The following AKAP13 variants were observed in gnomAD, a reference collection of about 807,000 sequenced individuals.
AKAP13 encodes the protein A-kinase anchor protein 13.
In AKAP13, 80 loss-of-function variants were observed where a neutral mutation model predicts 264.5. That is an observed-to-expected ratio of 0.30 (90% CI 0.25 to 0.36). The LOEUF (loss-of-function observed/expected upper bound fraction) is 0.36. Among genes scored for constraint, AKAP13 ranks in the 10% least tolerant of loss-of-function variants. The pLI is 1.00. For synonymous variants in AKAP13, 1,380 were observed against 1,250.2 expected, an observed-to-expected ratio of 1.10 and a Z score of -2.19; for missense variants, 3,712 against 3,435.2, an observed-to-expected ratio of 1.08 and a Z score of -2.01.
At chr15:85,494,316 T>G (rs1596331962) in intron 2 of AKAP13, among the ~76,000 whole-genome samples, 1 of 152,136 alleles carries the variant, frequency 6.6e-6, no homozygotes, top group Non-Finnish European at 1.5e-5. Flanking sequence ...AGTTTTAGAC[T>G]TCTGATGAAG....
At chr15:85,667,124 A>G (rs543526720) in intron 13 of AKAP13, among the ~76,000 whole-genome samples, 70 of 152,288 alleles carry the variant, frequency 4.6e-4, no homozygotes, top group Middle Eastern at 6.8e-3. Flanking sequence ...AACATTGACA[A>G]CCTCTTCCTT....
At chr15:85,600,382 C>A (rs1475501929) in intron 8 of AKAP13, among the ~76,000 whole-genome samples, 18 of 149,182 alleles carry the variant, frequency 1.2e-4, no homozygotes, top group Admixed American at 1.2e-3. Context: ...TATCACATAA[C>A]CAACTAGTTT....
intron 16 of AKAP13, 39 bp downstream of exon 16, chr15:85,684,912 T>A (rs1348265822): frequency 5.0e-6 from 8 of 1,593,164 alleles, no homozygotes; most frequent in Non-Finnish European, 6.8e-6. Context: ...ATCACCTCAG[T>A]AGGATCCTGT....
chr15:85,562,691 CTTTTTTT>C (rs10598092), intron 5 of AKAP13, among the ~76,000 whole-genome samples: 10 of 100,520 alleles, frequency 9.9e-5, no homozygotes, highest in South Asian at 3.3e-4. Flanking sequence ...CTTTTCTTTT[CTTTTTTT>C]TTTTTTTTTT....
intron 29 of AKAP13, among the ~76,000 whole-genome samples, chr15:85,728,524 G>A (rs922518415): frequency 6.6e-6 from 1 of 152,222 alleles, no homozygotes; most frequent in African/African-American, 2.4e-5. Flanking sequence ...CCTTGCCCTT[G>A]AGAAGCTCAC....
intron 1 of AKAP13, among the ~76,000 whole-genome samples, chr15:85,453,263 G>A (rs919778218): frequency 2.0e-5 from 3 of 152,214 alleles, no homozygotes; most frequent in African/African-American, 7.2e-5. Flanking sequence ...TGCTGAGTTG[G>A]TGCTAGCTGA....
At chr15:85,489,221 T>C (rs1464979637) in intron 2 of AKAP13, among the ~76,000 whole-genome samples, 1 of 152,238 alleles carries the variant, frequency 6.6e-6, no homozygotes, top group Non-Finnish European at 1.5e-5. Flanking sequence ...CTTGTTAAGC[T>C]TTAAAAAGTT....
intron 14 of AKAP13, among the ~76,000 whole-genome samples, chr15:85,671,839 G>A (rs2083947312): frequency 6.6e-6 from 1 of 152,086 alleles, no homozygotes; most frequent in African/African-American, 2.4e-5. Flanking sequence ...GTGACATAGT[G>A]GATATTGTAC....
chr15:85,476,906 G>A (rs904685907), intron 1 of AKAP13, among the ~76,000 whole-genome samples: 1 of 152,078 alleles, frequency 6.6e-6, no homozygotes. Context: ...TCATGTGCTG[G>A]CCATGTGTGT....
At chr15:85,417,791 AAGC>A (rs1429924987) in intron 1 of AKAP13, among the ~76,000 whole-genome samples, 25 of 152,172 alleles carry the variant, frequency 1.6e-4, no homozygotes, top group Admixed American at 1.6e-3. Context: ...CTTATGTATT[AAGC>A]AGCTGATCAG....
chr15:85,496,887 G>T (rs187106753), intron 2 of AKAP13, among the ~76,000 whole-genome samples: 150 of 152,346 alleles, frequency 9.8e-4, no homozygotes, highest in African/African-American at 3.5e-3. Context: ...TGGTTTTACA[G>T]AGCAGGAATT....
At chr15:85,725,041 A>C (rs189732203) in intron 26 of AKAP13, among the ~76,000 whole-genome samples, 393 of 152,304 alleles carry the variant, frequency 2.6e-3, no homozygotes, top group Non-Finnish European at 4.5e-3. Flanking sequence ...TAAAGGCCTG[A>C]ATTTCCTAGA....
At chr15:85,672,666 A>C (rs2151573675) in intron 14 of AKAP13, among the ~76,000 whole-genome samples, 1 of 152,364 alleles carries the variant, frequency 6.6e-6, no homozygotes. Context: ...CACACTTAGT[A>C]GCTGTATTAC....
intron 4 of AKAP13, 87 bp from the exon 5 acceptor site, chr15:85,543,685 T>G: frequency 7.3e-7 from 1 of 1,366,282 alleles, no homozygotes; most frequent in Non-Finnish European, 9.9e-7. Context: ...TTGGAGGCAG[T>G]GGTGTTTACA....
chr15:85,524,791 CGTGTTTTGT>C (rs1567104926), intron 3 of AKAP13, among the ~76,000 whole-genome samples: 1 of 151,050 alleles, frequency 6.6e-6, no homozygotes, highest in Non-Finnish European at 1.5e-5. Context: ...CTTTTTTTTG[CGTGTTTTGT>C]AATAAGTCCT....
intron 1 of AKAP13, among the ~76,000 whole-genome samples, chr15:85,413,121 A>T (rs2150876104): frequency 6.6e-6 from 1 of 152,348 alleles, no homozygotes; most frequent in African/African-American, 2.4e-5. Flanking sequence ...CTGCTAATTG[A>T]TCCTTAGGGA....
At chr15:85,679,692 C>T (rs1156475444) in intron 14 of AKAP13, among the ~76,000 whole-genome samples, 1 of 152,194 alleles carries the variant, frequency 6.6e-6, no homozygotes, top group Non-Finnish European at 1.5e-5. Flanking sequence ...AGTAGTTCCA[C>T]CCTGAAGTTC....
In AKAP13 at chr15:85,723,220, G is replaced by A. The variant is rs369420954; in HGVS notation, c.6645G>A (p.Arg2215=). 3.1e-6 allele frequency: 5 copies of A among 1,614,054 alleles called. No individual in the cohort carries two copies. The highest frequency in any genetic ancestry group is 4.2e-6 in the Non-Finnish European group (5 of 1,180,022). The change falls in exon 26 of 37, where the codon AGG becomes AGA. Residue 2215 remains arginine (R), a synonymous_variant. Coordinates refer to ENST00000394518, the MANE Select transcript of AKAP13 (RefSeq NM_007200.5). ...YTKTDSKSIM[R]MKSGQMFAKE... ...AGACAGATAGCAAGTCAATCATGAG[G>A]ATGAAGAGTGGTCAGATGTTTGCCA... is the stretch of plus-strand genomic sequence containing the variant.
intron 8 of AKAP13, among the ~76,000 whole-genome samples, chr15:85,596,191 G>A (rs2079819252): frequency 2.0e-5 from 3 of 152,182 alleles, no homozygotes; most frequent in South Asian, 4.1e-4. Flanking sequence ...AAATATCTAA[G>A]TTTAAACCTA....
Sources: allele counts gnomAD v4.1 joint callset (sites outside exome capture counted in the v4.1 genomes callset), GRCh38; gene constraint gnomAD v4.1.1; transcripts MANE v1.5; gene names NCBI Gene and HGNC (gene_info 2026-07-23, HGNC 2026-07-21).